Variants in FSD1L observed in about 807,000 individuals in gnomAD.
FSD1L encodes fibronectin type III and SPRY domain containing 1 like.
In FSD1L, 45 loss-of-function variants were observed where a neutral mutation model predicts 71.6. The ratio of observed to expected loss-of-function variants is 0.63; its 90% CI spans 0.49 to 0.81. FSD1L has a LOEUF of 0.81. Among genes scored for constraint, FSD1L ranks in the 30% least tolerant of loss-of-function variants. The probability of loss-of-function intolerance (pLI) is 0.00; values close to 1 mark genes in which losing one functional copy is unlikely to be tolerated. For synonymous variants in FSD1L, 197 were observed against 207.2 expected, an observed-to-expected ratio of 0.95 and a Z score of 0.42; for missense variants, 561 against 618.1, an observed-to-expected ratio of 0.91 and a Z score of 0.98.
intron 10 of FSD1L, among the ~76,000 whole-genome samples, chr9:105,528,767 C>T (rs1283150121): frequency 6.6e-6 from 1 of 152,082 alleles, no homozygotes; most frequent in Non-Finnish European, 1.5e-5. Flanking sequence ...CAACAAAAGC[C>T]AGAATTGACA....
chr9:105,493,357 A>G (rs575278775), intron 7 of FSD1L, among the ~76,000 whole-genome samples: 57 of 152,204 alleles, frequency 3.7e-4, no homozygotes, highest in Admixed American at 1.6e-3. Flanking sequence ...TGCTTGGTAC[A>G]TCTTCCTCCA....
intron 10 of FSD1L, chr9:105,522,796 G>A (rs538826778): frequency 1.7e-5 from 28 of 1,613,240 alleles, no homozygotes; most frequent in South Asian, 3.3e-5. Flanking sequence ...GAATGACTTC[G>A]AAGTGGTAAT....
At chr9:105,490,310 G>C (rs1832838910) in intron 7 of FSD1L, among the ~76,000 whole-genome samples, 1 of 152,088 alleles carries the variant, frequency 6.6e-6, no homozygotes, top group Admixed American at 6.5e-5. Context: ...CTTCTTTTGA[G>C]AAGTGTCTGT....
Position 105,547,328 on chromosome 9 carries a change from A to G in FSD1L, c.*845A>G, listed in dbSNP as rs983456124. On this transcript the variant is annotated 3_prime_UTR_variant, in exon 14 of 14. Coordinates refer to ENST00000481272, the MANE Select transcript of FSD1L (RefSeq NM_001145313.3). ...AAATTCCCACTTGAATGTGACACTG[A>G]TAATAATTATGCTGATTTTTAGCAT... The G allele has an allele frequency of 5.9e-5, 9 of 152,472 alleles. No homozygotes were observed. The highest frequency in any genetic ancestry group is 2.2e-4 in the African/African-American group (9 of 41,440). The allele number at this position is 152,472 out of a possible 1,614,324, so 9.4% of individuals were successfully genotyped here.
chr9:105,525,921 T>C, intron 10 of FSD1L: 1 of 1,561,964 alleles, frequency 6.4e-7, no homozygotes, highest in Non-Finnish European at 8.8e-7. Flanking sequence ...CTGATTCTGA[T>C]GATTCTTTGA....
At chr9:105,454,941 A>G (rs1219901740) in intron 1 of FSD1L, among the ~76,000 whole-genome samples, 1 of 152,194 alleles carries the variant, frequency 6.6e-6, no homozygotes, top group Non-Finnish European at 1.5e-5. Flanking sequence ...GTAGCCTTCC[A>G]TCATTTAGGT....
chr9:105,530,553 A>G, intron 10 of FSD1L: 1 of 694,876 alleles, frequency 1.4e-6, no homozygotes, highest in South Asian at 1.5e-5. Context: ...AAGAGCTCTT[A>G]ATACATTTTG....
chr9:105,443,810 T>C (rs148857870), upstream of FSD1L, among the ~76,000 whole-genome samples: 6 of 152,162 alleles, frequency 3.9e-5, no homozygotes, highest in Non-Finnish European at 8.8e-5. Context: ...TGGGAAGAGA[T>C]AGCTAATATT....
chr9:105,442,419 C>G, the FSD1L span, among the ~76,000 whole-genome samples: 9 of 152,046 alleles, frequency 5.9e-5, no homozygotes. Context: ...TGGCTCACAC[C>G]TGTAATCTCA....
chr9:105,522,258 T>C, intron 10 of FSD1L: 1 of 1,613,146 alleles, frequency 6.2e-7, no homozygotes, highest in African/African-American at 1.3e-5. Context: ...TATGGAGACA[T>C]TAACTAAAGT....
At chr9:105,530,243 A>T (rs940094319) in intron 10 of FSD1L, among the ~76,000 whole-genome samples, 3 of 152,192 alleles carry the variant, frequency 2.0e-5, no homozygotes, top group Non-Finnish European at 4.4e-5. Context: ...GTAGCTGAAG[A>T]GGCTTACTTA....
chr9:105,451,683 G>A (rs1179998869), intron 1 of FSD1L, among the ~76,000 whole-genome samples: 1 of 152,136 alleles, frequency 6.6e-6, no homozygotes, highest in Admixed American at 6.5e-5. Context: ...ATGGATAGGT[G>A]GCTTTTGTTT....
intron 13 of FSD1L, among the ~76,000 whole-genome samples, chr9:105,545,035 G>C (rs1485281528): frequency 6.6e-6 from 1 of 152,092 alleles, no homozygotes; most frequent in Non-Finnish European, 1.5e-5. Context: ...CCATTTTCAC[G>C]ATATTGATTC....
intron 10 of FSD1L, chr9:105,530,474 C>T (rs1186989023): frequency 8.5e-6 from 5 of 591,112 alleles, no homozygotes; most frequent in African/African-American, 3.8e-5. Context: ...TTTCTTTTCT[C>T]CATGCTTCCC....
chr9:105,525,240 T>C (rs186256218), intron 10 of FSD1L: 2 of 1,603,380 alleles, frequency 1.2e-6, no homozygotes, highest in African/African-American at 2.7e-5. Flanking sequence ...TTAAAAGATT[T>C]AGAGAAACTG....
At chr9:105,495,317 T>C (rs903296782) in intron 7 of FSD1L, among the ~76,000 whole-genome samples, 5 of 152,040 alleles carry the variant, frequency 3.3e-5, no homozygotes, top group Non-Finnish European at 5.9e-5. Flanking sequence ...GTGCGGGATA[T>C]AATCTCCTGG....
At chr9:105,471,093 CA>C (rs928677143) in intron 4 of FSD1L, among the ~76,000 whole-genome samples, 1 of 152,208 alleles carries the variant, frequency 6.6e-6, no homozygotes, top group Non-Finnish European at 1.5e-5. Flanking sequence ...ACATTTCTGT[CA>C]CCCTAGCTCA....
At position 105,484,478 on chromosome 9, in the gene FSD1L, C is replaced by G; in HGVS notation, c.562C>G (p.Leu188Val). ...MVDFSQERQM[L>V]QTLKFLPVPK... ...GGATTTCTCACAGGAAAGACAGATG[C>G]TGCAAACTTTGAAGTTTTTGCCAGG... Residue 188 changes from leucine (L) to valine (V), a missense_variant, in exon 7 of 14, where the codon CTG becomes GTG. Physicochemically the swap from Leu to Val is conservative, Grantham distance 32 (BLOSUM62 1). Around this residue, in one of 3 missense-constraint regions of FSD1L, gnomAD observed 410 missense variants for 413.5 expected, o/e 0.99. Coordinates refer to ENST00000481272, the MANE Select transcript of FSD1L (RefSeq NM_001145313.3). 2 of 1,523,172 alleles carry G rather than the reference C, an allele frequency of 1.3e-6. No individual in the cohort carries two copies. The highest frequency in any genetic ancestry group is 1.8e-6 in the Non-Finnish European group (2 of 1,135,798). 94.4% of individuals were successfully genotyped at this position (1,523,172 alleles called of 1,614,324 possible).
At chr9:105,468,117 C>G in intron 3 of FSD1L, 76 bp from the exon 4 acceptor site, 1 of 984,406 alleles carries the variant, frequency 1.0e-6, no homozygotes, top group Non-Finnish European at 1.4e-6. Flanking sequence ...TTTATTCTCT[C>G]TTTTGGGCAT....
Sources: gnomAD v4.1 joint callset for allele counts (sites outside exome capture counted in the v4.1 genomes callset) on GRCh38, gnomAD v4.1.1 for gene constraint, gnomAD v4.1.1 regional missense constraint, MANE v1.5 for transcripts, NCBI Gene and HGNC (gene_info 2026-07-23, HGNC 2026-07-21) for gene names.